MFSD11: variants seen among roughly 807,000 people sequenced by gnomAD.
The protein encoded by MFSD11 is major facilitator superfamily domain containing 11, also known as UNC93-like protein MFSD11.
In MFSD11, 36 loss-of-function variants were observed where a neutral mutation model predicts 53.5. The observed-to-expected ratio is 0.67, with a 90% CI of 0.52 to 0.89. The LOEUF is 0.89. Ranked by LOEUF, MFSD11 falls within the 40% of genes least tolerant of loss-of-function variation. The pLI is 0.00. For synonymous variants in MFSD11, 186 were observed against 184.9 expected (o/e 1.01, Z -0.05); for missense variants, 530 against 543.9 (o/e 0.97, Z 0.25).
chr17:76,773,974 G>A (rs2081594602), intron 10 of MFSD11, among the ~76,000 whole-genome samples: 1 of 151,750 alleles, frequency 6.6e-6, no homozygotes, highest in African/African-American at 2.4e-5. Context: ...CACCCGTGCT[G>A]GAGTGCAATG....
intron 10 of MFSD11, among the ~76,000 whole-genome samples, chr17:76,770,783 G>A (rs557922592): frequency 3.3e-5 from 5 of 152,320 alleles, no homozygotes; most frequent in South Asian, 2.1e-4. Flanking sequence ...ATGAGGAGGT[G>A]CAAAGGGTGG....
intron 8 of MFSD11, among the ~76,000 whole-genome samples, chr17:76,762,827 G>A (rs2080417827): frequency 6.6e-6 from 1 of 151,840 alleles, no homozygotes; most frequent in Non-Finnish European, 1.5e-5. Context: ...GTTAGCCTTA[G>A]GACCACAAGA....
intron 7 of MFSD11, among the ~76,000 whole-genome samples, chr17:76,747,142 G>A (rs2078629061): frequency 6.6e-6 from 1 of 152,112 alleles, no homozygotes; most frequent in African/African-American, 2.4e-5. Context: ...CATAGATAAT[G>A]ATTCTTCAGA....
chr17:76,754,119 C>T (rs199978511), intron 8 of MFSD11, 32 bp downstream of exon 8: 9 of 1,518,022 alleles, frequency 5.9e-6, no homozygotes, highest in African/African-American at 3.8e-5. Context: ...AATGCAAGAA[C>T]TGTTCAGGAA....
At chr17:76,793,733 TAA>T in the MFSD11 span, among the ~76,000 whole-genome samples, 2 of 151,596 alleles carry the variant, frequency 1.3e-5, no homozygotes, top group Admixed American at 1.3e-4. Flanking sequence ...TAAGAAATTA[TAA>T]AAGTGTTAAT....
Position 76,741,985 on chromosome 17 carries a change from T to A in MFSD11, c.277T>A (p.Phe93Ile). Residue 93 changes from phenylalanine to isoleucine, a missense_variant, in exon 4 of 13, where the codon TTC becomes ATC. By Grantham distance (21) the Phe-to-Ile change is conservative (BLOSUM62 0). Transcript: ENST00000685175. The part of the protein sequence containing the change: ...GLFYSMYIAV[F>I]IQPFPWSFYT... Reference sequence around the variant, plus strand: ...ATATTTTAGCATGTACATTGCCGTTTTCATCCAGCCTTTCCCGTGGTCCTT... The same window carrying A: ...ATATTTTAGCATGTACATTGCCGTTATCATCCAGCCTTTCCCGTGGTCCTT... The A allele has an allele frequency of 6.2e-7, 1 of 1,614,188 alleles. No individual in the cohort carries two copies. Among genetic ancestry groups the A allele is most frequent in the Non-Finnish European group, 8.5e-7 (1 of 1,180,022 alleles).
chr17:76,771,398 A>G (rs146428969), intron 10 of MFSD11, among the ~76,000 whole-genome samples: 1 of 152,384 alleles, frequency 6.6e-6, no homozygotes, highest in East Asian at 1.9e-4. Flanking sequence ...AGATTTGTTC[A>G]GCACTTGCAG....
At chr17:76,777,650 T>G (rs2081970526) in intron 12 of MFSD11, among the ~76,000 whole-genome samples, 1 of 152,188 alleles carries the variant, frequency 6.6e-6, no homozygotes, top group Non-Finnish European at 1.5e-5. Context: ...TAAGAGGATT[T>G]ATGACTAGAA....
rs1443385840 is a variant in MFSD11, at chr17:76,754,044, C to T, written c.642-3C>T. Reference sequence around the variant, plus strand: ...ACTTATTTTTTACATTTTATTTTCTCAGGTCTGCCCAGAACAATCTGACAA... The same window carrying T: ...ACTTATTTTTTACATTTTATTTTCTTAGGTCTGCCCAGAACAATCTGACAA... On this transcript the variant is annotated splice_polypyrimidine_tract_variant and splice_region_variant and intron_variant, in intron 7 of 12. Coordinates refer to ENST00000685175, the MANE Select transcript of MFSD11 (RefSeq NM_001242532.5). 6.2e-7 allele frequency: 1 copy of T among 1,605,752 alleles called. No individual in the cohort carries two copies. The highest frequency in any genetic ancestry group is 1.3e-5 in the African/African-American group (1 of 74,466).
chr17:76,756,583 G>A (rs1416715723), intron 8 of MFSD11, among the ~76,000 whole-genome samples: 9 of 152,144 alleles, frequency 5.9e-5, no homozygotes, highest in Non-Finnish European at 1.0e-4. Flanking sequence ...TTATTAGGCC[G>A]GGTGCAGTGG....
chr17:76,740,038 G>A (rs1206124708), intron 2 of MFSD11, among the ~76,000 whole-genome samples: 1 of 151,818 alleles, frequency 6.6e-6, no homozygotes, highest in Non-Finnish European at 1.5e-5. Context: ...GCCAGGCATG[G>A]TGGTGGGCGC....
At chr17:76,773,842 G>A (rs189254859) in intron 10 of MFSD11, among the ~76,000 whole-genome samples, 6 of 152,248 alleles carry the variant, frequency 3.9e-5, no homozygotes, top group Admixed American at 6.5e-5. Context: ...TCTTGACCTC[G>A]TGATCTGCCC....
chr17:76,768,754 G>A (rs768776533), intron 9 of MFSD11, among the ~76,000 whole-genome samples: 5 of 152,120 alleles, frequency 3.3e-5, no homozygotes, highest in Non-Finnish European at 5.9e-5. Flanking sequence ...GGAGGCCGAG[G>A]TGGGTGGATC....
the MFSD11 span, among the ~76,000 whole-genome samples, chr17:76,789,263 T>G: frequency 1.3e-5 from 2 of 150,160 alleles, no homozygotes; most frequent in African/African-American, 4.9e-5. Context: ...GGCTTGGGGT[T>G]TTATACATTG....
chr17:76,749,849 C>G (rs1021816047), intron 7 of MFSD11, among the ~76,000 whole-genome samples: 1 of 149,508 alleles, frequency 6.7e-6, no homozygotes, highest in African/African-American at 2.5e-5. Context: ...AAGATTGCAC[C>G]GCAGCACTCC....
At chr17:76,803,100 G>C in the MFSD11 span, among the ~76,000 whole-genome samples, 7 of 152,126 alleles carry the variant, frequency 4.6e-5, no homozygotes, top group Non-Finnish European at 1.5e-5. Context: ...AGGTTGCAAG[G>C]AGGTGAGATC....
intron 8 of MFSD11, among the ~76,000 whole-genome samples, chr17:76,763,614 A>G (rs2080504118): frequency 6.6e-6 from 1 of 151,994 alleles, no homozygotes; most frequent in Admixed American, 6.6e-5. Context: ...TTTATTAATG[A>G]GTTGTAAGAG....
chr17:76,750,921 G>A (rs111391511), intron 7 of MFSD11, among the ~76,000 whole-genome samples: 3,738 of 149,394 alleles, frequency 0.025, 154 homozygotes, highest in African/African-American at 0.086. Context: ...CTGCTGCCTC[G>A]GCCTCCCAAG....
intron 7 of MFSD11, among the ~76,000 whole-genome samples, chr17:76,745,187 T>G (rs1178843916): frequency 6.6e-6 from 1 of 152,214 alleles, no homozygotes; most frequent in African/African-American, 2.4e-5. Flanking sequence ...GAAGATTGCC[T>G]TATAGCATTT....
Sources: gnomAD v4.1 joint callset for allele counts (sites outside exome capture counted in the v4.1 genomes callset) on GRCh38, gnomAD v4.1.1 for gene constraint, MANE v1.5 for transcripts, NCBI Gene and HGNC (gene_info 2026-07-23, HGNC 2026-07-21) for gene names.